Variants in INKA2 observed in about 807,000 individuals in gnomAD.
The protein encoded by INKA2 is inka box actin regulator 2.
Under a neutral mutation model 9.8 loss-of-function variants are expected in INKA2, and 3 were observed. The ratio of observed to expected loss-of-function variants is 0.31; its 90% CI spans 0.14 to 0.79. INKA2 has a LOEUF of 0.79. Ranked by LOEUF, INKA2 falls within the 30% of genes least tolerant of loss-of-function variation. The probability of loss-of-function intolerance (pLI) is 0.62; values close to 1 mark genes in which losing one functional copy is unlikely to be tolerated. For synonymous variants in INKA2, 147 were observed against 143.3 expected, an observed-to-expected ratio of 1.03 and a Z score of -0.18; for missense variants, 392 against 384.4, an observed-to-expected ratio of 1.02 and a Z score of -0.17.
Position 111,727,053 on chromosome 1 carries a change from C to T in INKA2, c.809G>A (p.Arg270Gln), listed in dbSNP as rs763243478. ...FPFPGTGEHR[R>Q]GENPPTSCPK... ...GCAGCTTGTGGGGGGATTCTCCCCT[C>T]GCCTGTGCTCCCCGGTGCCTGGGAA... Residue 270 changes from arginine to glutamine, a missense_variant, in exon 2 of 2, where the codon CGA (arginine) becomes CAA (glutamine). Physicochemically the swap from Arg to Gln is conservative, Grantham distance 43. Coordinates refer to ENST00000357260, the MANE Select transcript of INKA2 (RefSeq NM_019099.5). 1.1e-5 allele frequency: 18 copies of T among 1,613,936 alleles called. No homozygotes were observed. The highest frequency in any genetic ancestry group is 6.6e-5 in the South Asian group (6 of 91,078).
At chr1:111,739,396 G>A, upstream of INKA2, 5 of 1,481,864 alleles carry the variant, frequency 3.4e-6, no homozygotes, top group Non-Finnish European at 4.5e-6. Flanking sequence ...ACTCAGAGTC[G>A]CTTCCCCAGC....
chr1:111,740,859 C>A (rs575650550), upstream of INKA2, among the ~76,000 whole-genome samples: 80 of 151,896 alleles, frequency 5.3e-4, no homozygotes, highest in African/African-American at 1.9e-3. Context: ...GTAATCCCAG[C>A]TACTCCGGAG....
At chr1:111,745,298 T>TTA (rs1663248451) in intron 1 of INKA2, 1 of 93,618 alleles carries the variant, frequency 1.1e-5, no homozygotes, top group South Asian at 3.4e-4. Context: ...TATATATTTT[T>TTA]TTTTTTTTTT....
intron 1 of INKA2, among the ~76,000 whole-genome samples, chr1:111,749,173 G>T (rs1177814373): frequency 6.6e-6 from 1 of 152,218 alleles, no homozygotes; most frequent in Non-Finnish European, 1.5e-5. Flanking sequence ...GGTGGGTAGA[G>T]AAGTAAGATA....
intron 1 of INKA2, among the ~76,000 whole-genome samples, chr1:111,738,477 G>C (rs1663055913): frequency 6.6e-6 from 1 of 150,554 alleles, no homozygotes; most frequent in African/African-American, 2.5e-5. Context: ...CCCAAGCCCA[G>C]ACCTGACATC....
chr1:111,743,309 C>G (rs961305355), upstream of INKA2, among the ~76,000 whole-genome samples: 2 of 152,204 alleles, frequency 1.3e-5, no homozygotes, highest in African/African-American at 4.8e-5. Flanking sequence ...CTGTTCAGAC[C>G]TGGGGTGGAA....
intron 1 of INKA2, among the ~76,000 whole-genome samples, chr1:111,728,170 T>C (rs1662835004): frequency 6.6e-6 from 1 of 152,112 alleles, no homozygotes. Context: ...GAGGTGGGGC[T>C]GAGATCAGCT....
chr1:111,723,967 A>T lies in INKA2; in HGVS notation c.*3001T>A, dbSNP rs903574393. On this transcript the variant is annotated 3_prime_UTR_variant, in exon 2 of 2. Transcript: ENST00000357260. ...TTAGTGGGATCGTCTGAAAAGCACA[A>T]GATTGCAAGTCAGTTGGAACTGATT... 2.6e-5 allele frequency: 4 copies of T among 152,282 alleles called. No individual in the cohort carries two copies. Among genetic ancestry groups the T allele is most frequent in the African/African-American group, 9.6e-5 (4 of 41,466 alleles). 9.4% of individuals were successfully genotyped at this position (152,282 alleles called of 1,614,324 possible). A position where few individuals can be genotyped will look rare whatever the true frequency, so the allele number is the denominator to read the frequency against.
chr1:111,755,647 G>A, intron 1 of INKA2: 1 of 1,607,964 alleles, frequency 6.2e-7, no homozygotes, highest in Non-Finnish European at 8.5e-7. Context: ...AGGCGGGGCG[G>A]TGCCCCCACC....
chr1:111,748,121 T>C (rs760998698), intron 1 of INKA2, among the ~76,000 whole-genome samples: 23 of 152,246 alleles, frequency 1.5e-4, no homozygotes, highest in African/African-American at 2.2e-4. Flanking sequence ...AAGTGAGCCA[T>C]GTGCTTGCAG....
intron 1 of INKA2, among the ~76,000 whole-genome samples, chr1:111,738,717 C>A (rs1663061684): frequency 1.3e-5 from 2 of 152,170 alleles, no homozygotes; most frequent in Admixed American, 6.5e-5. Flanking sequence ...CCGCTGACCT[C>A]GTGCCCGCGC....
rs147968487 is a variant in INKA2, at chr1:111,727,309, C to T, written c.553G>A (p.Gly185Arg). ...TCTCCTTTGGGTTCACGTGCCCCCC[C>T]AGTCTCACCCTTCTCCCCACCCTTC... ...LEKGGEKGETGGAREPKGEKG... is the reference protein window; with the variant it reads ...LEKGGEKGETRGAREPKGEKG... Residue 185 changes from glycine (G) to arginine (R), a missense_variant, in exon 2 of 2, where the codon GGG (glycine) becomes AGG (arginine). Physicochemically the swap from Gly to Arg is moderately radical, Grantham distance 125. Coordinates refer to ENST00000357260, the MANE Select transcript of INKA2 (RefSeq NM_019099.5). 4 of 1,614,086 alleles carry T rather than the reference C, an allele frequency of 2.5e-6. No homozygotes were observed. Among genetic ancestry groups the T allele is most frequent in the Admixed American group, 1.7e-5 (1 of 59,998 alleles).
chr1:111,748,670 C>A (rs1571602741), intron 1 of INKA2, among the ~76,000 whole-genome samples: 1 of 152,346 alleles, frequency 6.6e-6, no homozygotes, highest in Middle Eastern at 3.4e-3. Flanking sequence ...CTCCCCTCCC[C>A]CTGACCTGAT....
chr1:111,740,114 T>C (rs1259815418), upstream of INKA2: 1 of 152,256 alleles, frequency 6.6e-6, no homozygotes, highest in Non-Finnish European at 1.5e-5. Flanking sequence ...CACGGTAATT[T>C]CAGACAATGA....
chr1:111,737,018 C>T (rs1027841513), intron 1 of INKA2, among the ~76,000 whole-genome samples: 1 of 151,984 alleles, frequency 6.6e-6, no homozygotes, highest in Non-Finnish European at 1.5e-5. Context: ...TGCTCTGTCT[C>T]GTCTCTGAGC....
chr1:111,732,568 T>TACAC (rs3085876), intron 1 of INKA2, among the ~76,000 whole-genome samples: 17,518 of 142,824 alleles, frequency 0.12, 1,101 homozygotes, highest in African/African-American at 0.16. Flanking sequence ...CTCTCTCTGT[T>TACAC]ACACACACAC....
chr1:111,751,747 T>C (rs1663416448), intron 1 of INKA2, among the ~76,000 whole-genome samples: 1 of 152,186 alleles, frequency 6.6e-6, no homozygotes, highest in South Asian at 2.1e-4. Flanking sequence ...GACCTCCGTT[T>C]TCCCCTCCTC....
upstream of INKA2, among the ~76,000 whole-genome samples, chr1:111,742,343 T>C (rs1431389339): frequency 6.6e-6 from 1 of 152,050 alleles, no homozygotes; most frequent in African/African-American, 2.4e-5. Flanking sequence ...TCCCAGGACT[T>C]TGGGAGGCCG....
chr1:111,744,768 G>T (rs1339063898), intron 1 of INKA2, among the ~76,000 whole-genome samples: 1 of 152,060 alleles, frequency 6.6e-6, no homozygotes, highest in African/African-American at 2.4e-5. Context: ...TTTTAGTAGA[G>T]ACGGGGTTTC....
Sources: gnomAD v4.1 joint callset for allele counts (sites outside exome capture counted in the v4.1 genomes callset) on GRCh38, gnomAD v4.1.1 for gene constraint, MANE v1.5 for transcripts, NCBI Gene and HGNC (gene_info 2026-07-23, HGNC 2026-07-21) for gene names.